GRIA1: variants seen among roughly 807,000 people sequenced by gnomAD.
GRIA1 encodes the protein glutamate receptor 1.
In GRIA1, 31 loss-of-function variants were observed where a neutral mutation model predicts 99.2. The observed-to-expected ratio is 0.31, with a 90% CI of 0.23 to 0.42. GRIA1 has a LOEUF of 0.42. Among genes scored for constraint, GRIA1 ranks in the 10% least tolerant of loss-of-function variants. GRIA1 has a pLI of 1.00. For synonymous variants in GRIA1, 438 were observed against 432.4 expected (o/e 1.01, Z -0.16); for missense variants, 782 against 1,157.5 (o/e 0.68, Z 4.71).
At chr5:153,704,862 ATTGT>A (rs1176942505) in intron 10 of GRIA1, among the ~76,000 whole-genome samples, 1 of 152,178 alleles carries the variant, frequency 6.6e-6, no homozygotes, top group Non-Finnish European at 1.5e-5. Context: ...AGATTGGAAA[ATTGT>A]TTGTGTGTTT....
chr5:153,615,895 T>C (rs771920064), intron 2 of GRIA1, among the ~76,000 whole-genome samples: 3 of 152,160 alleles, frequency 2.0e-5, no homozygotes, highest in Non-Finnish European at 4.4e-5. Context: ...TCAGGTCGGT[T>C]TGAGTCTGGA....
At chr5:153,681,080 C>T (rs1293838276) in intron 7 of GRIA1, among the ~76,000 whole-genome samples, 2 of 152,168 alleles carry the variant, frequency 1.3e-5, no homozygotes, top group Non-Finnish European at 1.5e-5. Flanking sequence ...AAGTACACTG[C>T]CAGCATCTAT....
chr5:153,798,824 G>C (rs1490619624), intron 14 of GRIA1, among the ~76,000 whole-genome samples: 1 of 152,080 alleles, frequency 6.6e-6, no homozygotes, highest in Non-Finnish European at 1.5e-5. Context: ...CAGTCCCCCA[G>C]TATGTGGAAA....
intron 11 of GRIA1, among the ~76,000 whole-genome samples, chr5:153,735,632 G>T (rs901291058): frequency 2.0e-5 from 3 of 151,994 alleles, no homozygotes; most frequent in Non-Finnish European, 4.4e-5. Context: ...CAATATGAGG[G>T]GTGGTCTCCT....
chr5:153,660,876 A>G (rs1416048506), intron 5 of GRIA1, among the ~76,000 whole-genome samples: 1 of 152,156 alleles, frequency 6.6e-6, no homozygotes, highest in Non-Finnish European at 1.5e-5. Flanking sequence ...TAAAATTATT[A>G]TTTCTAGTGT....
chr5:153,632,064 G>T (rs373935015), intron 2 of GRIA1, among the ~76,000 whole-genome samples: 1 of 152,220 alleles, frequency 6.6e-6, no homozygotes, highest in African/African-American at 2.4e-5. Flanking sequence ...TGATGAGAAA[G>T]CATGAGGGGC....
At chr5:153,784,775 G>A (rs1401249171) in intron 13 of GRIA1, among the ~76,000 whole-genome samples, 1 of 152,154 alleles carries the variant, frequency 6.6e-6, no homozygotes, top group African/African-American at 2.4e-5. Context: ...ACCTTAAATG[G>A]TCCACACAGC....
At position 153,523,016 on chromosome 5, in the gene GRIA1, A is replaced by C. The variant is rs187394554; in HGVS notation, c.220+28951A>C. 6.2e-3 allele frequency among the ~76,000 whole-genome samples: 879 copies of C among 141,674 alleles called. 8 individuals carry two copies. Among genetic ancestry groups the C allele is most frequent in the African/African-American group, 0.021 (780 of 37,746 alleles). 92.9% of individuals were successfully genotyped at this position (141,674 alleles called of 152,430 possible). A position where few individuals can be genotyped will look rare whatever the true frequency, so the allele number is the denominator to read the frequency against. ...TCCACCTGATTCTCTTGTTCCTGAT[A>C]TCTCTCTCTCTCTCTCTCTCTCTCT... On this transcript the variant is annotated intron_variant, in intron 2 of 15. Transcript: ENST00000285900.
At chr5:153,792,578 T>A (rs1277589318) in intron 13 of GRIA1, among the ~76,000 whole-genome samples, 1 of 152,122 alleles carries the variant, frequency 6.6e-6, no homozygotes, top group Non-Finnish European at 1.5e-5. Context: ...GAAGGAAAGG[T>A]AACAAAACAT....
At chr5:153,526,573 G>T (rs1273019355) in intron 2 of GRIA1, among the ~76,000 whole-genome samples, 1 of 152,186 alleles carries the variant, frequency 6.6e-6, no homozygotes, top group Non-Finnish European at 1.5e-5. Context: ...GAATCCAAAG[G>T]AACTCTGCAA....
At chr5:153,656,387 ATATATAT>A (rs372914366) in intron 5 of GRIA1, among the ~76,000 whole-genome samples, 60,129 of 143,458 alleles carry the variant, frequency 0.42, 13,384 homozygotes, top group Non-Finnish European at 0.46. Flanking sequence ...GTTTGTTTAT[ATATATAT>A]ATATATATAT....
intron 13 of GRIA1, among the ~76,000 whole-genome samples, chr5:153,792,068 A>C (rs1412295276): frequency 6.6e-6 from 1 of 152,232 alleles, no homozygotes; most frequent in Non-Finnish European, 1.5e-5. Flanking sequence ...CCCAGCCAAC[A>C]TACCAATGAG....
intron 2 of GRIA1, among the ~76,000 whole-genome samples, chr5:153,503,803 G>A (rs1755231267): frequency 6.6e-6 from 1 of 152,206 alleles, no homozygotes; most frequent in Admixed American, 6.5e-5. Flanking sequence ...ACTGTTTGTG[G>A]CAAGTGACAG....
chr5:153,549,138 C>CT (rs776431354), intron 2 of GRIA1, among the ~76,000 whole-genome samples: 3 of 152,140 alleles, frequency 2.0e-5, no homozygotes, highest in Non-Finnish European at 4.4e-5. Flanking sequence ...TGAGCTCCCC[C>CT]TCCTTTCAAC....
At chr5:153,553,306 C>T (rs985462909) in intron 2 of GRIA1, among the ~76,000 whole-genome samples, 3 of 152,234 alleles carry the variant, frequency 2.0e-5, no homozygotes, top group Admixed American at 1.3e-4. Flanking sequence ...ATTCTTGCCT[C>T]CTCAAAAGAA....
chr5:153,730,855 T>C lies in GRIA1; in HGVS notation c.1823+24788T>C, dbSNP rs1402227902. Among the ~76,000 whole-genome samples, 3 of 152,120 alleles carry C rather than the reference T, an allele frequency of 2.0e-5. No individual in the cohort carries two copies. The East Asian group carries it at 5.8e-4, about 29-fold the overall frequency. On this transcript the variant is annotated intron_variant, in intron 11 of 15. Coordinates refer to ENST00000285900, the MANE Select transcript of GRIA1 (RefSeq NM_000827.4). The stretch of plus-strand genomic sequence containing the variant: ...CAATGGCATAATTCATTTTCTCCTC[T>C]TATGTCAGAATGCAACTGCTCTGAT...
chr5:153,684,846 G>A (rs1757232479), intron 7 of GRIA1, among the ~76,000 whole-genome samples: 1 of 152,192 alleles, frequency 6.6e-6, no homozygotes, highest in Non-Finnish European at 1.5e-5. Context: ...ATCTAAGAAA[G>A]TAAAGAGCAT....
intron 2 of GRIA1, among the ~76,000 whole-genome samples, chr5:153,577,165 GA>G (rs1762641283): frequency 6.7e-6 from 1 of 148,360 alleles, no homozygotes; most frequent in African/African-American, 2.5e-5. Flanking sequence ...TGGATGGATG[GA>G]TGGATGGATG....
In GRIA1 at chr5:153,694,859, T is replaced by C. The variant is rs142566530; in HGVS notation, c.1135-3185T>C. Among the ~76,000 whole-genome samples, 645 of 152,150 alleles carry C rather than the reference T, an allele frequency of 4.2e-3. 1 individual carries two copies. Among genetic ancestry groups the C allele is most frequent in the Non-Finnish European group, 7.0e-3 (478 of 68,002 alleles). ...GTTGTGCAGTTTGAGTAGGAATATT[T>C]AAACCTGTGGACTAATTGTGAAGAA... On this transcript the variant is annotated intron_variant, in intron 8 of 15. Transcript: ENST00000285900.
Sources: gnomAD v4.1 joint callset for allele counts (sites outside exome capture counted in the v4.1 genomes callset) on GRCh38, gnomAD v4.1.1 for gene constraint, MANE v1.5 for transcripts, NCBI Gene and HGNC (gene_info 2026-07-23, HGNC 2026-07-21) for gene names.